Variants in SPAG6 observed in about 807,000 individuals in gnomAD.
The protein encoded by SPAG6 is sperm associated antigen 6.
In SPAG6, 49 loss-of-function variants were observed where a neutral mutation model predicts 58.5. The observed-to-expected ratio is 0.84, with a 90% CI of 0.67 to 1.06. SPAG6 has a LOEUF of 1.06. Ranked by LOEUF, SPAG6 falls within the 50% of genes least tolerant of loss-of-function variation. The pLI, the probability that SPAG6 is intolerant of heterozygous loss-of-function variation, is 0.00. For synonymous variants in SPAG6, 233 were observed against 225.6 expected (o/e 1.03, Z -0.29); for missense variants, 560 against 611.3 (o/e 0.92, Z 0.89).
At chr10:22,386,392 C>T (rs576657619) in intron 4 of SPAG6, among the ~76,000 whole-genome samples, 3 of 151,626 alleles carry the variant, frequency 2.0e-5, no homozygotes, top group African/African-American at 7.3e-5. Context: ...CTTAAATTTT[C>T]TCTGTTATTG....
chr10:22,346,884 A>C (rs1836574426), intron 2 of SPAG6, among the ~76,000 whole-genome samples: 1 of 152,216 alleles, frequency 6.6e-6, no homozygotes, highest in South Asian at 2.1e-4. Context: ...TTGTAGATTC[A>C]CAACTGTAAG....
chr10:22,366,014 G>A (rs117561082), intron 3 of SPAG6, among the ~76,000 whole-genome samples: 346 of 152,230 alleles, frequency 2.3e-3, no homozygotes, highest in Non-Finnish European at 3.7e-3. Flanking sequence ...TGGCAGGTCC[G>A]CAGTCAGTGA....
At chr10:22,389,394 C>G in intron 7 of SPAG6, 82 bp downstream of exon 7, 1 of 1,399,338 alleles carries the variant, frequency 7.1e-7, no homozygotes, top group South Asian at 1.3e-5. Flanking sequence ...CAACAGAATA[C>G]AAAATATAAC....
At position 22,345,665 on chromosome 10, in the gene SPAG6, C is replaced by T; in HGVS notation, c.25+29C>T. 6.4e-7 allele frequency: 1 copy of T among 1,567,380 alleles called. No individual in the cohort carries two copies. ...GGGCCGAGGCGGGCAGGTGCCCTAA[C>T]TAGCTGGCGCCGAGGAGACCCGGGT... On this transcript the variant is annotated intron_variant, in intron 1 of 10. Transcript: ENST00000376624. This position sits in a 1 kb window ranked among gnomAD's most constrained non-coding sequence, Gnocchi z 6.3.
rs137971092 is a variant in SPAG6 at position 22,395,322 on chromosome 10, A to G, written c.1197+3402A>G. ...TGTTTAACATCTCGAGAAACTGCCC[A>G]ACTGTTTTCCATTGTACTACCAGCA... On this transcript the variant is annotated intron_variant, in intron 8 of 10. Coordinates refer to ENST00000376624, the MANE Select transcript of SPAG6 (RefSeq NM_012443.4). 4.7e-4 allele frequency among the ~76,000 whole-genome samples: 72 copies of G among 152,290 alleles called. 2 individuals carry two copies. In the East Asian group the frequency reaches 0.013, roughly 27 times the overall value.
At chr10:22,391,632 A>C (rs944138059) in intron 7 of SPAG6, 97 bp from the exon 8 acceptor site, 5 of 1,087,700 alleles carry the variant, frequency 4.6e-6, no homozygotes, top group Non-Finnish European at 5.3e-6. Flanking sequence ...AAAAAGGATC[A>C]AGGCCGAAGT....
In SPAG6 at chr10:22,348,429, G is replaced by T. The variant is rs1836626935; in HGVS notation, c.121+2611G>T. ...TTTTTTCAGTCAAATGCCTTCATTT[G>T]GTAGCTTCAGATACCAATGCATATT... On this transcript the variant is annotated intron_variant, in intron 2 of 10. Transcript: ENST00000376624. Among the ~76,000 whole-genome samples the T allele has an allele frequency of 2.6e-5, 4 of 152,150 alleles. No individual in the cohort carries two copies. The South Asian group carries it at 8.3e-4, about 32-fold the overall frequency.
At chr10:22,389,442 T>C (rs1834137426) in intron 7 of SPAG6, 130 bp downstream of exon 7, 1 of 871,354 alleles carries the variant, frequency 1.1e-6, no homozygotes, top group Non-Finnish European at 1.7e-6. Flanking sequence ...AAAATTTTGA[T>C]TGTTTCAATG....
intron 4 of SPAG6, 38 bp downstream of exon 4, chr10:22,368,716 A>T: frequency 6.7e-7 from 1 of 1,494,220 alleles, no homozygotes; most frequent in Non-Finnish European, 9.2e-7. Flanking sequence ...TTAAAATAGG[A>T]TTATTACAAT....
In SPAG6 at chr10:22,360,835, C is replaced by A. The variant is rs916913205; in HGVS notation, c.122-4018C>A. 3.9e-6 allele frequency: 6 copies of A among 1,532,328 alleles called. 1 individual carries two copies. Among genetic ancestry groups the A allele is most frequent in the Non-Finnish European group, 4.4e-6 (5 of 1,144,176 alleles). 94.9% of individuals were successfully genotyped at this position (1,532,328 alleles called of 1,614,324 possible). ...CTCTAAATTTCCATGCATTCACTCA[C>A]CATGGATCTCTGGATACCTAATGGA... is the stretch of plus-strand genomic sequence containing the variant. On this transcript the variant is annotated intron_variant, in intron 2 of 10. Coordinates refer to ENST00000376624, the MANE Select transcript of SPAG6 (RefSeq NM_012443.4).
At chr10:22,357,739 C>G (rs543645604) in intron 2 of SPAG6, among the ~76,000 whole-genome samples, 4 of 111,238 alleles carry the variant, frequency 3.6e-5, no homozygotes, top group African/African-American at 1.4e-4. Context: ...CCCCCCTCCC[C>G]CCACCCCACA....
At chr10:22,362,213 G>T in intron 2 of SPAG6, among the ~76,000 whole-genome samples, 1 of 145,634 alleles carries the variant, frequency 6.9e-6, no homozygotes, top group African/African-American at 2.5e-5. Context: ...TGATATATAT[G>T]TATATATGTA....
intron 5 of SPAG6, 41 bp from the exon 6 acceptor site, chr10:22,387,782 A>C (rs901011888): frequency 6.4e-7 from 1 of 1,573,314 alleles, no homozygotes; most frequent in African/African-American, 1.4e-5. Context: ...AGTGGATGCT[A>C]TATAGTGTTT....
chr10:22,349,538 G>A (rs1193865997), intron 2 of SPAG6, among the ~76,000 whole-genome samples: 1 of 152,144 alleles, frequency 6.6e-6, no homozygotes, highest in Non-Finnish European at 1.5e-5. Flanking sequence ...GCCACTTTTA[G>A]TTCTGTTTAG....
intron 6 of SPAG6, among the ~76,000 whole-genome samples, chr10:22,388,450 G>A (rs1415698898): frequency 1.3e-5 from 2 of 152,112 alleles, no homozygotes; most frequent in African/African-American, 4.8e-5. Flanking sequence ...GGAGTAGTGA[G>A]AACACTATTA....
At chr10:22,379,712 C>T (rs923351030) in intron 4 of SPAG6, among the ~76,000 whole-genome samples, 17 of 152,182 alleles carry the variant, frequency 1.1e-4, no homozygotes, top group African/African-American at 3.9e-4. Flanking sequence ...TAAATGTTTG[C>T]TGTTTTAAGC....
At position 22,386,673 on chromosome 10, in the gene SPAG6, G is replaced by A. The variant is rs1188929083; in HGVS notation, c.473-81G>A. 7 of 1,018,216 alleles carry A rather than the reference G, an allele frequency of 6.9e-6. No individual in the cohort carries two copies. The Admixed American group carries it at 1.3e-4, about 19-fold the overall frequency. 63.1% of individuals were successfully genotyped at this position (1,018,216 alleles called of 1,614,324 possible). ...AAGTACACCCTCCCCTTTTTTCTTTGCTGTATCTGTCAGGGTGAAAAATGG... is the reference window on the plus strand; with the variant it reads ...AAGTACACCCTCCCCTTTTTTCTTTACTGTATCTGTCAGGGTGAAAAATGG... On this transcript the variant is annotated intron_variant, in intron 4 of 10. Transcript: ENST00000376624.
chr10:22,365,646 A>C (rs1837177256), intron 3 of SPAG6, among the ~76,000 whole-genome samples: 2 of 152,104 alleles, frequency 1.3e-5, no homozygotes, highest in African/African-American at 4.8e-5. Flanking sequence ...TGTTCATTCT[A>C]TTCTGTTAGT....
intron 9 of SPAG6, among the ~76,000 whole-genome samples, chr10:22,408,637 G>A (rs1477287854): frequency 6.6e-6 from 1 of 152,116 alleles, no homozygotes; most frequent in Non-Finnish European, 1.5e-5. Flanking sequence ...AGGCAGGCAG[G>A]CCTCCTTGAG....
Sources: gnomAD v4.1 joint callset for allele counts (sites outside exome capture counted in the v4.1 genomes callset) on GRCh38, gnomAD v4.1.1 for gene constraint, Gnocchi (gnomAD v3.1) non-coding constraint, MANE v1.5 for transcripts, NCBI Gene and HGNC (gene_info 2026-07-23, HGNC 2026-07-21) for gene names.